The following IMPG1 variants were observed in gnomAD, a reference collection of about 807,000 sequenced individuals.
The protein encoded by IMPG1 is interphotoreceptor matrix proteoglycan 1, also known as interphotoreceptor matrix proteoglycan of 150 kDa.
IMPG1 carries 85 observed loss-of-function variants against 92.0 expected under a neutral mutation model. That is an observed-to-expected ratio of 0.92 (90% CI 0.78 to 1.11). The LOEUF is 1.11. Among genes scored for constraint, IMPG1 ranks in the 50% least tolerant of loss-of-function variants. IMPG1 has a pLI of 0.00. For missense variants in IMPG1, 1,022 were observed against 956.0 expected, an observed-to-expected ratio of 1.07 and a Z score of -0.91; for synonymous variants, 367 against 334.1, an observed-to-expected ratio of 1.10 and a Z score of -1.08.
intron 12 of IMPG1, among the ~76,000 whole-genome samples, chr6:75,967,673 G>C (rs565529359): frequency 1.9e-4 from 29 of 152,024 alleles, no homozygotes; most frequent in South Asian, 1.5e-3. Flanking sequence ...GAAAGCTAAA[G>C]AAAACAAAAC....
chr6:76,019,570 C>A (rs1215938595), intron 6 of IMPG1, among the ~76,000 whole-genome samples: 2 of 152,176 alleles, frequency 1.3e-5, no homozygotes. Flanking sequence ...AAACTCCCCT[C>A]CACCATGGGC....
rs1310820164 is a variant in IMPG1, at chr6:76,025,242, C to A, written c.514G>T (p.Ala172Ser). 2 of 1,591,702 alleles carry A rather than the reference C, an allele frequency of 1.3e-6. No homozygotes were observed. Among genetic ancestry groups the A allele is most frequent in the African/African-American group, 1.3e-5 (1 of 74,380 alleles). Residue 172 changes from alanine (A) to serine (S), a missense_variant, in exon 5 of 17, where the codon GCA becomes TCA. Ala to Ser is a moderately conservative substitution (Grantham distance 99). Around this residue, in one of 3 missense-constraint regions of IMPG1, gnomAD observed 681 missense variants for 583.6 expected, o/e 1.17. Coordinates refer to ENST00000369950, the MANE Select transcript of IMPG1 (RefSeq NM_001563.4). ...CCAGGCTCTCCCAATGTCTTCTCTG[C>A]AGATATTTCATCTTTTCTATTAGTA... The part of the protein sequence containing the change: ...SFPDRKDEIS[A>S]EKTLGEPGET...
intron 12 of IMPG1, among the ~76,000 whole-genome samples, chr6:76,000,808 A>G (rs1394323328): frequency 6.6e-6 from 1 of 152,254 alleles, no homozygotes; most frequent in Non-Finnish European, 1.5e-5. Context: ...AGGAGGTGAC[A>G]TAATAGAGAC....
At chr6:76,055,399 T>C (rs2787851) in intron 1 of IMPG1, among the ~76,000 whole-genome samples, 141,467 of 152,090 alleles carry the variant, frequency 0.93, 65,841 homozygotes, top group Middle Eastern at 0.94. Flanking sequence ...TGGAATGAAA[T>C]TAAAGCAGTT....
chr6:75,990,866 C>T (rs1442083239), intron 12 of IMPG1, among the ~76,000 whole-genome samples: 1 of 152,140 alleles, frequency 6.6e-6, no homozygotes, highest in Non-Finnish European at 1.5e-5. Context: ...CCATGCCCCC[C>T]AATCCATTAC....
chr6:75,961,850 C>T (rs1264553331), intron 12 of IMPG1, among the ~76,000 whole-genome samples: 2 of 152,144 alleles, frequency 1.3e-5, no homozygotes, highest in African/African-American at 2.4e-5. Flanking sequence ...TTTTCAAGCA[C>T]ACAGTCTTAA....
In IMPG1 at chr6:76,030,357, A is replaced by G. The variant is rs571653882; in HGVS notation, c.497+3958T>C. On this transcript the variant is annotated intron_variant, in intron 4 of 16. Transcript: ENST00000369950. ...TCATGTATCTTGGGCATATGTTAGG[A>G]AGAGAAGGAAACCAGAGATGCTTGC... Among the ~76,000 whole-genome samples, 17 of 152,180 alleles carry G rather than the reference A, an allele frequency of 1.1e-4. No individual in the cohort carries two copies. The East Asian group carries it at 2.9e-3, about 26-fold the overall frequency.
intron 12 of IMPG1, among the ~76,000 whole-genome samples, chr6:75,963,943 G>A (rs1007970973): frequency 1.3e-5 from 2 of 152,174 alleles, no homozygotes; most frequent in African/African-American, 2.4e-5. Flanking sequence ...AAAACACCCA[G>A]GCAAATGCAC....
At chr6:76,024,726 T>A (rs1424798849) in intron 5 of IMPG1, among the ~76,000 whole-genome samples, 1 of 152,206 alleles carries the variant, frequency 6.6e-6, no homozygotes, top group Non-Finnish European at 1.5e-5. Context: ...AAACACTATT[T>A]GTAATGTCAG....
intron 12 of IMPG1, among the ~76,000 whole-genome samples, chr6:75,979,538 T>G (rs1408180639): frequency 6.6e-6 from 1 of 152,196 alleles, no homozygotes; most frequent in African/African-American, 2.4e-5. Flanking sequence ...ACCACTGTTA[T>G]CTCATTTCCC....
At chr6:76,019,273 A>G (rs1203604742) in intron 6 of IMPG1, among the ~76,000 whole-genome samples, 7 of 152,136 alleles carry the variant, frequency 4.6e-5, no homozygotes, top group Non-Finnish European at 1.5e-5. Flanking sequence ...CTGAATTCAT[A>G]TGGGCTTCCA....
chr6:75,935,926 T>C (rs912452749), intron 14 of IMPG1, among the ~76,000 whole-genome samples: 11 of 152,208 alleles, frequency 7.2e-5, no homozygotes, highest in African/African-American at 2.7e-4. Flanking sequence ...CACTTTTACA[T>C]AGCGCTTGGG....
chr6:76,034,246 T>A, intron 4 of IMPG1, 69 bp downstream of exon 4: 2 of 1,448,024 alleles, frequency 1.4e-6, no homozygotes, highest in Admixed American at 3.5e-5. Context: ...AATAGCTTAG[T>A]TTCACTCCAT....
chr6:76,000,530 T>TA (rs1386659884), intron 12 of IMPG1, among the ~76,000 whole-genome samples: 13 of 152,098 alleles, frequency 8.5e-5, no homozygotes, highest in Admixed American at 6.5e-5. Flanking sequence ...TAAGCAAAAT[T>TA]AAAAAAATTT....
At chr6:76,013,979 A>C (rs990012592) in intron 7 of IMPG1, among the ~76,000 whole-genome samples, 1 of 152,176 alleles carries the variant, frequency 6.6e-6, no homozygotes, top group Non-Finnish European at 1.5e-5. Context: ...CCTGAACATA[A>C]GAGGAATCAC....
intron 5 of IMPG1, 103 bp from the exon 6 acceptor site, chr6:76,022,322 A>G: frequency 1.8e-6 from 1 of 564,596 alleles, no homozygotes. Context: ...TCTGGAATTT[A>G]CAGATATTAG....
rs530882719 is a variant in IMPG1 at position 76,023,976 on chromosome 6, A to G, written c.562+1218T>C. 1.2e-4 allele frequency among the ~76,000 whole-genome samples: 19 copies of G among 152,280 alleles called. No individual in the cohort carries two copies. In the South Asian group the frequency reaches 3.9e-3, roughly 32 times the overall value. Reference sequence around the variant, plus strand: ...ATGTTTATATGCTCCTCCTCTAAATAATACCTTTTTGAATAAGACTTGATA... The same window carrying G: ...ATGTTTATATGCTCCTCCTCTAAATGATACCTTTTTGAATAAGACTTGATA... On this transcript the variant is annotated intron_variant, in intron 5 of 16. Transcript: ENST00000369950.
intron 8 of IMPG1, among the ~76,000 whole-genome samples, chr6:76,008,527 C>T (rs1783132467): frequency 6.6e-6 from 1 of 152,142 alleles, no homozygotes; most frequent in Non-Finnish European, 1.5e-5. Flanking sequence ...CCACAACCCT[C>T]CTTCTGCGGA....
intron 7 of IMPG1, among the ~76,000 whole-genome samples, chr6:76,015,860 T>C (rs1783278307): frequency 6.8e-6 from 1 of 147,938 alleles, no homozygotes; most frequent in Non-Finnish European, 1.5e-5. Flanking sequence ...CATTTGATGA[T>C]GATACAATAG....
Sources: allele counts gnomAD v4.1 joint callset (sites outside exome capture counted in the v4.1 genomes callset), GRCh38; gene constraint gnomAD v4.1.1; regional missense constraint gnomAD v4.1.1; transcripts MANE v1.5; gene names NCBI Gene and HGNC (gene_info 2026-07-23, HGNC 2026-07-21).